HTR1E: variants seen among roughly 807,000 people sequenced by gnomAD.
HTR1E encodes the protein 5-hydroxytryptamine receptor 1E.
A neutral mutation model predicts 3.4 loss-of-function variants in HTR1E; 3 were observed. The observed-to-expected ratio is 0.89, with a 90% CI of 0.41 to 2.31. The LOEUF (loss-of-function observed/expected upper bound fraction) is 2.31, where lower values mean the gene tolerates loss of function less well. Among genes scored for constraint, HTR1E ranks in the 30% most tolerant of loss-of-function variants. HTR1E has a pLI of 0.05. For synonymous variants in HTR1E, 170 were observed against 182.8 expected (o/e 0.93, Z 0.56); for missense variants, 392 against 467.0 (o/e 0.84, Z 1.48).
Position 86,937,827 on chromosome 6 carries a change from A to AGG in HTR1E, c.-186+7_-186+8dup, listed in dbSNP as rs1236726468. 3 of 152,790 alleles carry AGG rather than the reference A, an allele frequency of 2.0e-5. No homozygotes were observed. The highest frequency in any genetic ancestry group is 4.4e-5 in the Non-Finnish European group (3 of 68,162). 9.5% of individuals were successfully genotyped at this position (152,790 alleles called of 1,614,324 possible). ...GGCTGCACGCACCGTCCACAAGGTGAGGGGCGCACACCTTCCGGGACGACC... is the reference window on the plus strand; with the variant it reads ...GGCTGCACGCACCGTCCACAAGGTGAGGGGGGCGCACACCTTCCGGGACGACC... On this transcript the variant is annotated splice_donor_region_variant and intron_variant, in intron 1 of 1. Transcript: ENST00000305344.
intron 1 of HTR1E, among the ~76,000 whole-genome samples, chr6:86,948,640 T>C (rs1767161177): frequency 6.6e-6 from 1 of 152,148 alleles, no homozygotes; most frequent in South Asian, 2.1e-4. Flanking sequence ...TGGCCATCTG[T>C]CGTTTTTGGC....
intron 1 of HTR1E, among the ~76,000 whole-genome samples, chr6:86,951,543 T>A (rs181785768): frequency 7.9e-5 from 12 of 152,272 alleles, no homozygotes; most frequent in African/African-American, 2.6e-4. Flanking sequence ...ATTTATAAAC[T>A]CCAAGAACAA....
At chr6:86,963,561 C>T (rs778304252) in intron 1 of HTR1E, among the ~76,000 whole-genome samples, 5 of 152,164 alleles carry the variant, frequency 3.3e-5, no homozygotes, top group African/African-American at 1.2e-4. Flanking sequence ...CGCTGACTCA[C>T]CCAGAGTAAC....
chr6:86,992,718 T>C (rs1330622601), intron 1 of HTR1E, among the ~76,000 whole-genome samples: 1 of 152,240 alleles, frequency 6.6e-6, no homozygotes, highest in Admixed American at 6.5e-5. Flanking sequence ...TGGCAAATGC[T>C]GTCCCATTTA....
chr6:86,989,062 C>A (rs925873219), intron 1 of HTR1E, among the ~76,000 whole-genome samples: 5 of 152,118 alleles, frequency 3.3e-5, no homozygotes, highest in Non-Finnish European at 7.3e-5. Flanking sequence ...TAATTTCCCC[C>A]AAACTAGAGG....
intron 1 of HTR1E, among the ~76,000 whole-genome samples, chr6:87,007,919 G>A (rs934751941): frequency 6.6e-6 from 1 of 151,506 alleles, no homozygotes; most frequent in African/African-American, 2.4e-5. Flanking sequence ...GTGTGAAAGA[G>A]TGAGATTCTG....
intron 1 of HTR1E, among the ~76,000 whole-genome samples, chr6:87,005,094 C>A (rs532752916): frequency 6.6e-6 from 1 of 151,910 alleles, no homozygotes; most frequent in Non-Finnish European, 1.5e-5. Context: ...GAAGAGGACA[C>A]AAAAAAGTGA....
chr6:86,981,234 G>A (rs1056602131), intron 1 of HTR1E, among the ~76,000 whole-genome samples: 1 of 152,156 alleles, frequency 6.6e-6, no homozygotes, highest in Non-Finnish European at 1.5e-5. Flanking sequence ...CTTACTGACT[G>A]CTCTGGTTTG....
rs1269240588 is a variant in HTR1E at position 87,016,206 on chromosome 6, G to A, written c.872G>A (p.Arg291His). 4.3e-6 allele frequency: 7 copies of A among 1,614,006 alleles called. No homozygotes were observed. The highest frequency in any genetic ancestry group is 4.0e-5 in the African/African-American group (3 of 74,914). ...ISSTRERKAARILGLILGAFI... is the reference protein window; with the variant it reads ...ISSTRERKAAHILGLILGAFI... ...AGCACCAGGGAACGGAAGGCAGCAC[G>A]CATCCTGGGGCTGATTCTGGGTGCA... is the stretch of plus-strand genomic sequence containing the variant. The change falls in exon 2 of 2, where the codon CGC becomes CAC. Residue 291 changes from arginine to histidine, a missense_variant. Coordinates refer to ENST00000305344, the MANE Select transcript of HTR1E (RefSeq NM_000865.3).
chr6:87,014,077 A>G (rs1029109736), intron 1 of HTR1E, among the ~76,000 whole-genome samples: 12 of 152,044 alleles, frequency 7.9e-5, no homozygotes, highest in Admixed American at 3.9e-4. Context: ...ACCTGGACAC[A>G]GGGCAGGGAA....
At chr6:86,945,141 C>T (rs1399559282) in intron 1 of HTR1E, among the ~76,000 whole-genome samples, 1 of 152,066 alleles carries the variant, frequency 6.6e-6, no homozygotes, top group African/African-American at 2.4e-5. Flanking sequence ...GTTATTGCCC[C>T]GAAGGACCTT....
intron 1 of HTR1E, among the ~76,000 whole-genome samples, chr6:87,007,940 A>G (rs1768142252): frequency 6.6e-6 from 1 of 152,170 alleles, no homozygotes; most frequent in Non-Finnish European, 1.5e-5. Context: ...TCTCAAAAAA[A>G]AAATTAAACT....
At chr6:86,958,970 G>C (rs1348730381) in intron 1 of HTR1E, among the ~76,000 whole-genome samples, 2 of 148,644 alleles carry the variant, frequency 1.3e-5, no homozygotes, top group African/African-American at 5.2e-5. Flanking sequence ...GTGTGTGTGT[G>C]TGTGTGTGTG....
intron 1 of HTR1E, among the ~76,000 whole-genome samples, chr6:86,961,722 T>G (rs1190500527): frequency 6.6e-6 from 1 of 152,232 alleles, no homozygotes; most frequent in Non-Finnish European, 1.5e-5. Flanking sequence ...ACTATAACCT[T>G]TATGTTGCTC....
At chr6:86,977,050 T>A (rs1767648685) in intron 1 of HTR1E, among the ~76,000 whole-genome samples, 1 of 152,134 alleles carries the variant, frequency 6.6e-6, no homozygotes, top group African/African-American at 2.4e-5. Flanking sequence ...CTCGGTATGG[T>A]GCCAATTTCT....
At chr6:86,953,368 T>G (rs944203858) in intron 1 of HTR1E, among the ~76,000 whole-genome samples, 15 of 152,196 alleles carry the variant, frequency 9.9e-5, no homozygotes, top group African/African-American at 3.6e-4. Flanking sequence ...ATTTTGGAGA[T>G]TGTCTGGGTA....
chr6:87,005,094 C>T (rs532752916), intron 1 of HTR1E, among the ~76,000 whole-genome samples: 2 of 152,028 alleles, frequency 1.3e-5, no homozygotes, highest in Admixed American at 6.5e-5. Context: ...GAAGAGGACA[C>T]AAAAAAGTGA....
chr6:86,996,589 T>C (rs1767942549), intron 1 of HTR1E, among the ~76,000 whole-genome samples: 1 of 152,060 alleles, frequency 6.6e-6, no homozygotes, highest in African/African-American at 2.4e-5. Flanking sequence ...ATTACAGGCC[T>C]GCAAATATGA....
Position 86,996,446 on chromosome 6 carries a change from C to A in HTR1E, c.-185-18704C>A, listed in dbSNP as rs531616975. Among the ~76,000 whole-genome samples, 75 of 151,482 alleles carry A rather than the reference C, an allele frequency of 5.0e-4. 1 individual carries two copies. Among genetic ancestry groups the A allele is most frequent in the African/African-American group, 1.7e-3 (72 of 41,360 alleles). Reference sequence around the variant, plus strand: ...GAAAGGTTGTTTTTCTTTAAAAGATCAATAAAATTGACAAACCTTATAACT... The same window carrying A: ...GAAAGGTTGTTTTTCTTTAAAAGATAAATAAAATTGACAAACCTTATAACT... On this transcript the variant is annotated intron_variant, in intron 1 of 1. Transcript: ENST00000305344.
Sources: allele counts gnomAD v4.1 joint callset (sites outside exome capture counted in the v4.1 genomes callset), GRCh38; gene constraint gnomAD v4.1.1; transcripts MANE v1.5; gene names NCBI Gene and HGNC (gene_info 2026-07-23, HGNC 2026-07-21).